Variants in LOX observed in about 807,000 individuals in gnomAD.
The protein encoded by LOX is protein-lysine 6-oxidase.
A neutral mutation model predicts 50.5 loss-of-function variants in LOX; 12 were observed. That is an observed-to-expected ratio of 0.24 (90% CI 0.15 to 0.38). The LOEUF is 0.38. LOX is among the 10% of genes least tolerant of loss of function. The pLI, the probability that LOX is intolerant of heterozygous loss-of-function variation, is 1.00. For missense variants in LOX, 504 were observed against 563.8 expected (o/e 0.89, Z 1.07); for synonymous variants, 254 against 230.6 (o/e 1.10, Z -0.92).
rs1754691838 is a variant in LOX, at chr5:122,077,919, G to C, written c.67C>G (p.Pro23Ala). 8 of 1,518,594 alleles carry C rather than the reference G, an allele frequency of 5.3e-6. No homozygotes were observed. The highest frequency in any genetic ancestry group is 7.0e-6 in the Non-Finnish European group (8 of 1,144,160). 94.1% of individuals were successfully genotyped at this position (1,518,594 alleles called of 1,614,324 possible). ...LQLCALVHCA[P>A]PAAGQQQPPR... ...GGCTGCTGTTGGCCGGCGGCGGGAG[G>C]GGCGCAGTGCACTAGCGCGCAGAGC... The change falls in exon 1 of 7, where the codon CCT (proline) becomes GCT (alanine). Residue 23 changes from proline (P) to alanine (A), a missense_variant. By Grantham distance (27) the Pro-to-Ala change is conservative. Around this residue, in one of 2 missense-constraint regions of LOX, gnomAD observed 398 missense variants for 365.8 expected, o/e 1.09. Coordinates refer to ENST00000231004, the MANE Select transcript of LOX (RefSeq NM_002317.7). This position sits in a 1 kb window ranked among gnomAD's most constrained non-coding sequence, Gnocchi z 4.9.
In LOX at chr5:122,070,600, CAAAAT is replaced by C; in HGVS notation, c.1036-16_1036-12del. The C allele has an allele frequency of 6.8e-7, 1 of 1,481,274 alleles. No homozygotes were observed. Among genetic ancestry groups the C allele is most frequent in the Non-Finnish European group, 9.3e-7 (1 of 1,072,310 alleles). 91.8% of individuals were successfully genotyped at this position (1,481,274 alleles called of 1,614,324 possible). On this transcript the variant is annotated splice_polypyrimidine_tract_variant and intron_variant, in intron 4 of 6. Coordinates refer to ENST00000231004, the MANE Select transcript of LOX (RefSeq NM_002317.7). The stretch of plus-strand genomic sequence containing the variant: ...GCCAGGACTCAATCCCTAAGATAAA[CAAAAT>C]AAAAAATTTAAAATTATGGTATGTG...
At chr5:122,075,290 A>G in intron 3 of LOX, 114 bp downstream of exon 3, 1 of 926,274 alleles carries the variant, frequency 1.1e-6, no homozygotes, top group Non-Finnish European at 1.6e-6. Context: ...TCTAAATATA[A>G]GTAATAGCAA....
intron 3 of LOX, among the ~76,000 whole-genome samples, chr5:122,074,549 A>G (rs1754557468): frequency 6.6e-6 from 1 of 152,218 alleles, no homozygotes; most frequent in Non-Finnish European, 1.5e-5. Flanking sequence ...AAAGCAGCAC[A>G]TGACTTTTTC....
In LOX at chr5:122,077,225, C is replaced by T. The variant is rs1405235438; in HGVS notation, c.631+130G>A. The stretch of plus-strand genomic sequence containing the variant: ...TTTGCACTGGATTCCAGGGCTGCCA[C>T]TGCAGGCGCGTGGGGGAGGGATCGG... On this transcript the variant is annotated intron_variant, in intron 1 of 6. Coordinates refer to ENST00000231004, the MANE Select transcript of LOX (RefSeq NM_002317.7). This position sits in a 1 kb window ranked among gnomAD's most constrained non-coding sequence, Gnocchi z 4.9. The T allele has an allele frequency of 2.0e-6, 3 of 1,500,004 alleles. No homozygotes were observed. Among genetic ancestry groups the T allele is most frequent in the Non-Finnish European group, 2.7e-6 (3 of 1,126,696 alleles). 92.9% of individuals were successfully genotyped at this position (1,500,004 alleles called of 1,614,324 possible).
At position 122,070,604 on chromosome 5, in the gene LOX, A is replaced by C; in HGVS notation, c.1036-15T>G. 6.9e-7 allele frequency: 1 copy of C among 1,449,334 alleles called. No individual in the cohort carries two copies. The highest frequency in any genetic ancestry group is 9.6e-7 in the Non-Finnish European group (1 of 1,042,560). 89.8% of individuals were successfully genotyped at this position (1,449,334 alleles called of 1,614,324 possible). ...GGACTCAATCCCTAAGATAAACAAA[A>C]TAAAAAATTTAAAATTATGGTATGT... is the stretch of plus-strand genomic sequence containing the variant. On this transcript the variant is annotated splice_polypyrimidine_tract_variant and intron_variant, in intron 4 of 6. Transcript: ENST00000231004.
rs1754698993 is a variant in LOX, at chr5:122,078,210, T to C, written c.-225A>G. On this transcript the variant is annotated 5_prime_UTR_variant, in exon 1 of 7. Transcript: ENST00000231004. Reference sequence around the variant, plus strand: ...CCTTCCCTTTCCCCTTTCTCAGTCCTGGAAGGCAACGGGGAGCGGCGCGGC... The same window carrying C: ...CCTTCCCTTTCCCCTTTCTCAGTCCCGGAAGGCAACGGGGAGCGGCGCGGC... 2 of 423,962 alleles carry C rather than the reference T, an allele frequency of 4.7e-6. No homozygotes were observed. Among genetic ancestry groups the C allele is most frequent in the Admixed American group, 4.5e-5 (1 of 22,354 alleles). The allele number at this position is 423,962 out of a possible 1,614,324, so 26.3% of individuals were successfully genotyped here.
chr5:122,072,067 T>C (rs1202643542), intron 4 of LOX, among the ~76,000 whole-genome samples: 4 of 152,248 alleles, frequency 2.6e-5, no homozygotes, highest in Non-Finnish European at 5.9e-5. Context: ...TGGCATATAA[T>C]ACATACTCAA....
Position 122,076,908 on chromosome 5 carries a change from T to A in LOX, c.725A>T (p.Glu242Val). 1 of 1,614,048 alleles carries A rather than the reference T, an allele frequency of 6.2e-7. No individual in the cohort carries two copies. Among genetic ancestry groups the A allele is most frequent in the Non-Finnish European group, 8.5e-7 (1 of 1,180,000 alleles). ...SMYNLRCAAEENCLASTAYRA... is the reference protein window; with the variant it reads ...SMYNLRCAAEVNCLASTAYRA... The stretch of plus-strand genomic sequence containing the variant: ...CAGCCCGTACCTGGCCAGACAGTTT[T>A]CCTCCGCCGCGCATCTCAGGTTGTA... The change falls in exon 2 of 7, where the codon GAA becomes GTA. Residue 242 changes from glutamate (E) to valine (V), a missense_variant. By Grantham distance (121) the Glu-to-Val change is moderately radical. This residue lies in a region of LOX where 398 missense variants were observed against 365.8 expected (regional missense o/e 1.09). Coordinates refer to ENST00000231004, the MANE Select transcript of LOX (RefSeq NM_002317.7).
intron 3 of LOX, 123 bp from the exon 4 acceptor site, chr5:122,074,292 A>G: frequency 1.3e-6 from 1 of 754,788 alleles, no homozygotes; most frequent in Non-Finnish European, 2.1e-6. Flanking sequence ...GACCAAATTT[A>G]TCTTCTAAAA....
Position 122,064,817 on chromosome 5 carries a change from T to A in LOX, c.*1926A>T, listed in dbSNP as rs534717265. Reference sequence around the variant, plus strand: ...ACAGATAAAAGGCCCAATGAATGATTGTAAATGTGTCTTCTCCTATGTATC... The same window carrying A: ...ACAGATAAAAGGCCCAATGAATGATAGTAAATGTGTCTTCTCCTATGTATC... On this transcript the variant is annotated 3_prime_UTR_variant, in exon 7 of 7. Transcript: ENST00000231004. 2 of 152,110 alleles carry A rather than the reference T, an allele frequency of 1.3e-5. No homozygotes were observed. The highest frequency in any genetic ancestry group is 6.6e-5 in the Admixed American group (1 of 15,230). 9.4% of individuals were successfully genotyped at this position (152,110 alleles called of 1,614,324 possible). A position where few individuals can be genotyped will look rare whatever the true frequency, so the allele number is the denominator to read the frequency against.
intron 4 of LOX, among the ~76,000 whole-genome samples, chr5:122,072,081 G>A (rs761847951): frequency 2.0e-5 from 3 of 152,158 alleles, no homozygotes; most frequent in Non-Finnish European, 4.4e-5. Context: ...TACTCAATAA[G>A]TGCTAGTTAT....
intron 4 of LOX, 169 bp from the exon 5 acceptor site, chr5:122,070,758 A>T (rs747098536): frequency 1.1e-5 from 5 of 473,344 alleles, no homozygotes; most frequent in Non-Finnish European, 1.9e-5. Flanking sequence ...TCAGCCTTAT[A>T]GCACCTCCAG....
intron 4 of LOX, among the ~76,000 whole-genome samples, chr5:122,072,467 A>G (rs1754477815): frequency 1.3e-5 from 2 of 152,184 alleles, no homozygotes; most frequent in South Asian, 4.1e-4. Flanking sequence ...TTAGTTTCGT[A>G]TATATTTAAT....
rs1200121605 is a variant in LOX at position 122,076,979 on chromosome 5, G to A, written c.654C>T (p.Asp218=). 10 of 1,613,634 alleles carry A rather than the reference G, an allele frequency of 6.2e-6. No homozygotes were observed. The East Asian group carries it at 2.0e-4, about 32-fold the overall frequency. ...ACGTGGACGCCTGGATGTAGTAGGG[G>A]TCGGCCACCAGGTCTGGGAGACCTA... is the stretch of plus-strand genomic sequence containing the variant. ...FQYGLPDLVA[D]PYYIQASTYV... Residue 218 remains aspartate, a synonymous_variant, in exon 2 of 7, where the codon GAC becomes GAT. Coordinates refer to ENST00000231004, the MANE Select transcript of LOX (RefSeq NM_002317.7).
intron 6 of LOX, 100 bp downstream of exon 6, chr5:122,069,953 C>A (rs375683149): frequency 5.1e-5 from 44 of 866,642 alleles, no homozygotes; most frequent in Non-Finnish European, 7.9e-6. Flanking sequence ...TACAAGAAAG[C>A]TGCTGTAGTA....
At position 122,077,823 on chromosome 5, in the gene LOX, A is replaced by G. The variant is rs749678357; in HGVS notation, c.163T>C (p.Phe55Leu). Residue 55 changes from phenylalanine to leucine, a missense_variant, in exon 1 of 7, where the codon TTC becomes CTC. Phe to Leu is a conservative substitution (Grantham distance 22). Transcript: ENST00000231004. The surrounding 1 kb of genome is among the most constrained non-coding windows in gnomAD (Gnocchi z 4.9). ...TGTGAGCCCAGGCTCAGCAAGCTGA[A>G]CACCTGCCCGTTGTTCTCCCATTGG... ...QIQWENNGQV[F>L]SLLSLGSQYQ... The G allele has an allele frequency of 3.9e-6, 6 of 1,551,704 alleles. No homozygotes were observed. Among genetic ancestry groups the G allele is most frequent in the African/African-American group, 2.8e-5 (2 of 72,498 alleles).
Position 122,077,913 on chromosome 5 carries a change from C to G in LOX, c.73G>C (p.Ala25Pro). The G allele has an allele frequency of 2.6e-6, 4 of 1,513,308 alleles. No homozygotes were observed. The highest frequency in any genetic ancestry group is 3.5e-6 in the Non-Finnish European group (4 of 1,141,460). 93.7% of individuals were successfully genotyped at this position (1,513,308 alleles called of 1,614,324 possible). A position where few individuals can be genotyped will look rare whatever the true frequency, so the allele number is the denominator to read the frequency against. The change falls in exon 1 of 7, where the codon GCC becomes CCC. Residue 25 changes from alanine to proline, a missense_variant. Transcript: ENST00000231004. This position sits in a 1 kb window ranked among gnomAD's most constrained non-coding sequence, Gnocchi z 4.9. ...CGCGGGGGCTGCTGTTGGCCGGCGG[C>G]GGGAGGGGCGCAGTGCACTAGCGCG... The part of the protein sequence containing the change: ...LCALVHCAPP[A>P]AGQQQPPREP...
At position 122,064,108 on chromosome 5, in the gene LOX, A is replaced by T. The variant is rs1754237096; in HGVS notation, c.*2635T>A. On this transcript the variant is annotated 3_prime_UTR_variant, in exon 7 of 7. Coordinates refer to ENST00000231004, the MANE Select transcript of LOX (RefSeq NM_002317.7). Reference sequence around the variant, plus strand: ...AAACTCTGAAATTATGTTCCTATTTAGTCCATTTTCTGTCTTTTTTAGTGT... The same window carrying T: ...AAACTCTGAAATTATGTTCCTATTTTGTCCATTTTCTGTCTTTTTTAGTGT... The T allele has an allele frequency of 6.6e-6, 1 of 151,952 alleles. No individual in the cohort carries two copies. Among genetic ancestry groups the T allele is most frequent in the African/African-American group, 2.4e-5 (1 of 41,416 alleles). The allele number at this position is 151,952 out of a possible 1,614,324, so 9.4% of individuals were successfully genotyped here.
Position 122,077,832 on chromosome 5 carries a change from C to A in LOX, c.154G>T (p.Gly52Trp), listed in dbSNP as rs774886810. 26 of 1,551,892 alleles carry A rather than the reference C, an allele frequency of 1.7e-5. 1 individual carries two copies. The highest frequency in any genetic ancestry group is 2.2e-5 in the Non-Finnish European group (25 of 1,153,894). ...WRQQIQWENNGQVFSLLSLGS... is the reference protein window; with the variant it reads ...WRQQIQWENNWQVFSLLSLGS... ...AGGCTCAGCAAGCTGAACACCTGCC[C>A]GTTGTTCTCCCATTGGATCTGCTGG... The change falls in exon 1 of 7, where the codon GGG (glycine) becomes TGG (tryptophan). Residue 52 changes from glycine to tryptophan, a missense_variant. Physicochemically the swap from Gly to Trp is radical, Grantham distance 184 (BLOSUM62 -2). Around this residue, in one of 2 missense-constraint regions of LOX, gnomAD observed 398 missense variants for 365.8 expected, o/e 1.09. Transcript: ENST00000231004. The surrounding 1 kb of genome is among the most constrained non-coding windows in gnomAD (Gnocchi z 4.9).
Sources: allele counts gnomAD v4.1 joint callset (sites outside exome capture counted in the v4.1 genomes callset), GRCh38; gene constraint gnomAD v4.1.1; regional missense constraint gnomAD v4.1.1; non-coding constraint Gnocchi (gnomAD v3.1); transcripts MANE v1.5; gene names NCBI Gene and HGNC (gene_info 2026-07-23, HGNC 2026-07-21).